Variants in TNRC6B observed in about 807,000 individuals in gnomAD.
TNRC6B encodes the protein trinucleotide repeat-containing gene 6B protein.
TNRC6B carries 52 observed loss-of-function variants against 203.6 expected under a neutral mutation model. The ratio of observed to expected loss-of-function variants is 0.26; its 90% CI spans 0.20 to 0.32. The LOEUF is 0.32. Among genes scored for constraint, TNRC6B ranks in the 10% least tolerant of loss-of-function variants. The pLI is 1.00. For missense variants in TNRC6B, 1,923 were observed against 2,286.2 expected, an observed-to-expected ratio of 0.84 and a Z score of 3.24; for synonymous variants, 838 against 845.7, an observed-to-expected ratio of 0.99 and a Z score of 0.16.
chr22:40,069,140 C>T (rs2067923785), intron 1 of TNRC6B, among the ~76,000 whole-genome samples: 1 of 152,098 alleles, frequency 6.6e-6, no homozygotes. Flanking sequence ...CGCTGTCTCG[C>T]CCAGGCTGTA....
chr22:40,313,090 A>G (rs2071208793), intron 19 of TNRC6B, 93 bp downstream of exon 19: 2 of 990,354 alleles, frequency 2.0e-6, no homozygotes, highest in Non-Finnish European at 3.1e-6. Flanking sequence ...CATAAGATAT[A>G]CTCTTACAGA....
intron 1 of TNRC6B, among the ~76,000 whole-genome samples, chr22:40,091,072 C>T (rs1202155925): frequency 2.6e-5 from 4 of 152,188 alleles, no homozygotes; most frequent in Admixed American, 6.5e-5. Flanking sequence ...AGCTTCGCCT[C>T]CCGGGTTCAC....
chr22:40,100,017 C>G (rs919293380), intron 1 of TNRC6B, among the ~76,000 whole-genome samples: 22 of 152,080 alleles, frequency 1.4e-4, no homozygotes, highest in African/African-American at 5.3e-4. Flanking sequence ...TCCCAAAGTG[C>G]TGGGATTACA....
At chr22:40,311,734 G>C (rs1285343802) in intron 17 of TNRC6B, among the ~76,000 whole-genome samples, 1 of 152,034 alleles carries the variant, frequency 6.6e-6, no homozygotes, top group Non-Finnish European at 1.5e-5. Flanking sequence ...GTAGAGACAG[G>C]GTTTCGCCAT....
At chr22:40,270,391 C>T in intron 6 of TNRC6B, 111 bp downstream of exon 6, 3 of 1,068,016 alleles carry the variant, frequency 2.8e-6, no homozygotes, top group East Asian at 6.6e-5. Context: ...GCAATTTCGG[C>T]TCACTGCAAC....
intron 2 of TNRC6B, among the ~76,000 whole-genome samples, chr22:40,249,441 G>A (rs2146475971): frequency 6.6e-6 from 1 of 152,294 alleles, no homozygotes; most frequent in South Asian, 2.1e-4. Context: ...TGAGTAAACT[G>A]GTAGATACCC....
intron 17 of TNRC6B, among the ~76,000 whole-genome samples, chr22:40,311,401 A>T (rs1024237445): frequency 6.6e-6 from 1 of 152,222 alleles, no homozygotes; most frequent in African/African-American, 2.4e-5. Context: ...ATAGTAATCT[A>T]TTCTCATGAT....
At chr22:40,048,991 G>A (rs1253672592) in intron 1 of TNRC6B, among the ~76,000 whole-genome samples, 1 of 152,144 alleles carries the variant, frequency 6.6e-6, no homozygotes, top group Non-Finnish European at 1.5e-5. Flanking sequence ...CTCCCAAGTA[G>A]CTGGGATTAT....
intron 4 of TNRC6B, among the ~76,000 whole-genome samples, chr22:40,157,024 C>G (rs1189553700): frequency 1.3e-5 from 2 of 151,978 alleles, no homozygotes; most frequent in Non-Finnish European, 2.9e-5. Flanking sequence ...GTCTGCCTGC[C>G]TCGGCCTCCC....
chr22:40,265,688 T>C lies in TNRC6B; in HGVS notation c.1458T>C (p.Phe486=), dbSNP rs757097943. ...NNRSTGGSWN[F]GPQDSNDNKW... Reference sequence around the variant, plus strand: ...GGTCTACGGGTGGGTCCTGGAACTTTGGCCCCCAGGACTCTAATGACAACA... The same window carrying C: ...GGTCTACGGGTGGGTCCTGGAACTTCGGCCCCCAGGACTCTAATGACAACA... Residue 486 remains phenylalanine, a synonymous_variant, in exon 5 of 23, where the codon TTT becomes TTC. Transcript: ENST00000454349. 1 of 1,614,020 alleles carries C rather than the reference T, an allele frequency of 6.2e-7. No homozygotes were observed. Among genetic ancestry groups the C allele is most frequent in the Non-Finnish European group, 8.5e-7 (1 of 1,179,890 alleles).
Position 40,167,592 on chromosome 22 carries a change from A to T in TNRC6B, c.113+11410A>T, listed in dbSNP as rs893519284. On this transcript the variant is annotated intron_variant, in intron 4 of 23. Coordinates refer to the TNRC6B transcript ENST00000301923. ...CAGTTTTTTGTGTTTTTTTAACCAC[A>T]ATAAAAATTTTCAGACCAGGTGCCG... 4.0e-5 allele frequency among the ~76,000 whole-genome samples: 6 copies of T among 151,862 alleles called. No homozygotes were observed. In the East Asian group the frequency reaches 1.2e-3, roughly 29 times the overall value.
intron 22 of TNRC6B, 178 bp downstream of exon 22, chr22:40,321,407 A>C (rs771097873): frequency 8.5e-6 from 6 of 703,456 alleles, no homozygotes; most frequent in Non-Finnish European, 1.4e-5. Context: ...TTTCCACCAA[A>C]GCTTGGATTG....
chr22:40,143,468 AT>A (rs1243519910), intron 3 of TNRC6B, among the ~76,000 whole-genome samples: 2 of 151,938 alleles, frequency 1.3e-5, no homozygotes, highest in African/African-American at 4.8e-5. Flanking sequence ...AAAACTATAG[AT>A]TGGGAAAAAA....
intron 21 of TNRC6B, among the ~76,000 whole-genome samples, chr22:40,319,182 C>G (rs1288458824): frequency 1.3e-5 from 2 of 151,868 alleles, no homozygotes; most frequent in Admixed American, 1.3e-4. Context: ...GCAGACTAAT[C>G]TCTATCATAG....
chr22:40,276,776 ACTT>A (rs1035191673), intron 7 of TNRC6B: 1 of 225,368 alleles, frequency 4.4e-6, no homozygotes, highest in African/African-American at 2.3e-5. Context: ...CGTGTGCAAA[ACTT>A]CTATTTTAGA....
chr22:40,171,994 G>A (rs1463747079), intron 4 of TNRC6B, among the ~76,000 whole-genome samples: 1 of 151,854 alleles, frequency 6.6e-6, no homozygotes, highest in Non-Finnish European at 1.5e-5. Flanking sequence ...CCAAGTAGCT[G>A]GGATTACAGG....
chr22:40,176,142 G>C, upstream of TNRC6B, among the ~76,000 whole-genome samples: 1 of 70,616 alleles, frequency 1.4e-5, no homozygotes, highest in Non-Finnish European at 2.8e-5. Context: ...TTTTTTTTTT[G>C]AGATGGAGTT....
At chr22:40,196,000 A>G (rs564245356) in intron 1 of TNRC6B, among the ~76,000 whole-genome samples, 3 of 150,674 alleles carry the variant, frequency 2.0e-5, no homozygotes, top group African/African-American at 4.9e-5. Context: ...TATGGTCTCA[A>G]TCTCCTGACC....
Position 40,178,144 on chromosome 22 carries a change from G to A in TNRC6B, c.5+4G>A. 2 of 1,612,782 alleles carry A rather than the reference G, an allele frequency of 1.2e-6. No homozygotes were observed. The highest frequency in any genetic ancestry group is 1.7e-6 in the Non-Finnish European group (2 of 1,179,380). On this transcript the variant is annotated splice_donor_region_variant and intron_variant, in intron 1 of 22. Transcript: ENST00000454349. ...AAGCACTGCTGCACTTTATGAGGTT[G>A]GTAAATATTTTCAATTTTTTTTAAC...
Sources: allele counts gnomAD v4.1 joint callset (sites outside exome capture counted in the v4.1 genomes callset), GRCh38; gene constraint gnomAD v4.1.1; transcripts MANE v1.5; gene names NCBI Gene and HGNC (gene_info 2026-07-23, HGNC 2026-07-21).